Variants in HMGA2 observed in about 807,000 individuals in gnomAD.
HMGA2 encodes high mobility group protein HMGI-C.
Under a neutral mutation model 19.1 loss-of-function variants are expected in HMGA2, and 8 were observed. The ratio of observed to expected loss-of-function variants is 0.42; its 90% CI spans 0.25 to 0.76. HMGA2 has a LOEUF of 0.76. HMGA2 is among the 30% of genes least tolerant of loss of function. The probability of loss-of-function intolerance (pLI) is 0.28; values close to 1 mark genes in which losing one functional copy is unlikely to be tolerated. For missense variants in HMGA2, 109 were observed against 136.3 expected (o/e 0.80, Z 1.00); for synonymous variants, 60 against 48.8 (o/e 1.23, Z -0.96).
At chr12:65,927,989 A>G (rs1875575126) in intron 3 of HMGA2, among the ~76,000 whole-genome samples, 1 of 149,314 alleles carries the variant, frequency 6.7e-6, no homozygotes, top group South Asian at 2.1e-4. Flanking sequence ...ATATGTGTAT[A>G]TATTATATAT....
At chr12:65,931,957 C>A (rs1358382193) in intron 3 of HMGA2, among the ~76,000 whole-genome samples, 1 of 152,160 alleles carries the variant, frequency 6.6e-6, no homozygotes, top group Admixed American at 6.5e-5. Flanking sequence ...GCTATGTAAA[C>A]TTGGATAATC....
intron 2 of HMGA2, among the ~76,000 whole-genome samples, chr12:65,833,620 A>T (rs1452416224): frequency 6.6e-6 from 1 of 152,132 alleles, no homozygotes; most frequent in African/African-American, 2.4e-5. Flanking sequence ...TTGGAAATAC[A>T]TTACTTTTAA....
intron 4 of HMGA2, chr12:65,955,592 A>G (rs1430609592): frequency 6.6e-6 from 1 of 152,168 alleles, no homozygotes; most frequent in African/African-American, 2.4e-5. Context: ...CACCCTTTCA[A>G]TCCACTTTCC....
At chr12:65,898,490 C>T (rs915154795) in intron 3 of HMGA2, among the ~76,000 whole-genome samples, 3 of 152,092 alleles carry the variant, frequency 2.0e-5, no homozygotes, top group Non-Finnish European at 4.4e-5. Flanking sequence ...TGGAAAGGTG[C>T]TAACGAGGCA....
chr12:65,944,701 A>G (rs1347602759), intron 3 of HMGA2, among the ~76,000 whole-genome samples: 3 of 152,214 alleles, frequency 2.0e-5, no homozygotes, highest in Non-Finnish European at 2.9e-5. Flanking sequence ...ATTAAACCAT[A>G]TGAAATTGCT....
chr12:65,927,949 G>A (rs1875569934), intron 3 of HMGA2, among the ~76,000 whole-genome samples: 1 of 146,402 alleles, frequency 6.8e-6, no homozygotes, highest in Non-Finnish European at 1.5e-5. Context: ...ATGTATGTGA[G>A]TATATATATA....
At chr12:65,838,680 A>G in intron 3 of HMGA2, 111 bp downstream of exon 3, 2 of 789,776 alleles carry the variant, frequency 2.5e-6, no homozygotes, top group South Asian at 1.6e-5. Context: ...TTCTGGTTTG[A>G]TGAATCTTTG....
intron 3 of HMGA2, among the ~76,000 whole-genome samples, chr12:65,861,673 C>T (rs925334524): frequency 4.5e-4 from 67 of 148,060 alleles, no homozygotes; most frequent in Non-Finnish European, 1.3e-4. Flanking sequence ...ATTTAAGCAC[C>T]TTGTAGTTCC....
intron 3 of HMGA2, among the ~76,000 whole-genome samples, chr12:65,892,052 C>G (rs906171754): frequency 6.6e-6 from 1 of 152,218 alleles, no homozygotes; most frequent in Non-Finnish European, 1.5e-5. Context: ...GCTGGTGAAT[C>G]TGGACCGGAG....
At chr12:65,887,321 T>C (rs1328241990) in intron 3 of HMGA2, among the ~76,000 whole-genome samples, 3 of 152,156 alleles carry the variant, frequency 2.0e-5, no homozygotes, top group African/African-American at 7.2e-5. Flanking sequence ...GGCACAGTGC[T>C]TCATCCCTGT....
chr12:65,954,426 G>A (rs976552230), intron 4 of HMGA2: 3 of 152,152 alleles, frequency 2.0e-5, no homozygotes, highest in African/African-American at 7.2e-5. Flanking sequence ...CATCTTCCTA[G>A]CATTTATGTC....
intron 3 of HMGA2, among the ~76,000 whole-genome samples, chr12:65,929,514 T>C (rs1463856302): frequency 6.6e-6 from 1 of 151,368 alleles, no homozygotes; most frequent in Non-Finnish European, 1.5e-5. Flanking sequence ...ATATATATTT[T>C]AGAAATCTGC....
Position 65,913,400 on chromosome 12 carries a change from C to T in HMGA2, c.250-37983C>T, listed in dbSNP as rs1817492088. Among the ~76,000 whole-genome samples, 3 of 152,160 alleles carry T rather than the reference C, an allele frequency of 2.0e-5. No individual in the cohort carries two copies. The South Asian group carries it at 6.2e-4, about 32-fold the overall frequency. ...GCCACTGAGTCCAATAAGTGCAATC[C>T]TTCTGGTAAGGAAACTTGCCTTCTT... On this transcript the variant is annotated intron_variant, in intron 3 of 4. Coordinates refer to ENST00000403681, the MANE Select transcript of HMGA2 (RefSeq NM_003483.6).
At chr12:65,914,701 T>A in intron 3 of HMGA2, 1 of 291,720 alleles carries the variant, frequency 3.4e-6, no homozygotes, top group South Asian at 4.1e-5. Context: ...TGAGACGGAG[T>A]CTTGTTTTTG....
chr12:65,939,998 A>G (rs930360171), intron 3 of HMGA2, among the ~76,000 whole-genome samples: 1 of 152,242 alleles, frequency 6.6e-6, no homozygotes, highest in African/African-American at 2.4e-5. Context: ...ATGAGATTGT[A>G]AAGTCCAGAG....
Position 65,869,542 on chromosome 12 carries a change from T to C in HMGA2, c.249+30973T>C, listed in dbSNP as rs540597184. On this transcript the variant is annotated intron_variant, in intron 3 of 4. Transcript: ENST00000403681. The stretch of plus-strand genomic sequence containing the variant: ...ACCACCCTCCATTGCACTGACTCTT[T>C]CCCACAAAATGGGCTAGAGATAGCA... Among the ~76,000 whole-genome samples the C allele has an allele frequency of 2.6e-5, 4 of 152,294 alleles. No individual in the cohort carries two copies. The East Asian group carries it at 7.7e-4, about 29-fold the overall frequency.
chr12:65,867,542 T>C (rs1368894247), intron 3 of HMGA2: 1 of 453,266 alleles, frequency 2.2e-6, no homozygotes, highest in African/African-American at 2.0e-5. Context: ...ACCAAAACCG[T>C]ATCCTCATGA....
At chr12:65,943,694 C>T (rs114517085) in intron 3 of HMGA2, among the ~76,000 whole-genome samples, 11 of 152,292 alleles carry the variant, frequency 7.2e-5, no homozygotes, top group African/African-American at 2.2e-4. Flanking sequence ...ATAGATTTAT[C>T]GCTTCTTAGG....
At position 65,825,282 on chromosome 12, in the gene HMGA2, C is replaced by A. The variant is rs1199429215; in HGVS notation, c.12C>A (p.Arg4=). Residue 4 remains arginine, a synonymous_variant, in exon 1 of 5, where the codon CGC becomes CGA. Coordinates refer to ENST00000403681, the MANE Select transcript of HMGA2 (RefSeq NM_003483.6). This position sits in a 1 kb window ranked among gnomAD's most constrained non-coding sequence, Gnocchi z 4.4. The part of the protein sequence containing the change: MSA[R]GEGAGQPSTS... The stretch of plus-strand genomic sequence containing the variant: ...CGGCGGGAGGCAGGATGAGCGCACG[C>A]GGTGAGGGCGCGGGGCAGCCGTCCA... The A allele has an allele frequency of 6.5e-7, 1 of 1,530,938 alleles. No homozygotes were observed. The highest frequency in any genetic ancestry group is 8.7e-7 in the Non-Finnish European group (1 of 1,143,278). The allele number at this position is 1,530,938 out of a possible 1,614,324, so 94.8% of individuals were successfully genotyped here.
Sources: allele counts gnomAD v4.1 joint callset (sites outside exome capture counted in the v4.1 genomes callset), GRCh38; gene constraint gnomAD v4.1.1; non-coding constraint Gnocchi (gnomAD v3.1); transcripts MANE v1.5; gene names NCBI Gene and HGNC (gene_info 2026-07-23, HGNC 2026-07-21).